IQGAP1: variants seen among roughly 807,000 people sequenced by gnomAD.
The protein encoded by IQGAP1 is IQ motif containing GTPase activating protein 1, also known as ras GTPase-activating-like protein IQGAP1.
A neutral mutation model predicts 215.6 loss-of-function variants in IQGAP1; 66 were observed. The ratio of observed to expected loss-of-function variants is 0.31; its 90% CI spans 0.25 to 0.38. IQGAP1 has a LOEUF of 0.38. Among genes scored for constraint, IQGAP1 ranks in the 10% least tolerant of loss-of-function variants. IQGAP1 has a pLI of 1.00. For synonymous variants in IQGAP1, 772 were observed against 728.7 expected (o/e 1.06, Z -0.96); for missense variants, 1,712 against 1,997.1 (o/e 0.86, Z 2.72).
chr15:90,412,618 G>A (rs1191306707), intron 2 of IQGAP1, among the ~76,000 whole-genome samples: 1 of 152,108 alleles, frequency 6.6e-6, no homozygotes, highest in Non-Finnish European at 1.5e-5. Flanking sequence ...GGAATACTCT[G>A]CATTCCTTTC....
chr15:90,388,251 A>C lies in IQGAP1; in HGVS notation c.-91A>C, dbSNP rs1567109290. On this transcript the variant is annotated 5_prime_UTR_variant, in exon 1 of 38. Coordinates refer to ENST00000268182, the MANE Select transcript of IQGAP1 (RefSeq NM_003870.4). ...GGGGCGGGGCCTCGGGGACCCCGGCAAGCCCGCGCACTTGGCAGGAGCTGT... is the reference window on the plus strand; with the variant it reads ...GGGGCGGGGCCTCGGGGACCCCGGCCAGCCCGCGCACTTGGCAGGAGCTGT... 7.6e-6 allele frequency: 11 copies of C among 1,446,008 alleles called. No individual in the cohort carries two copies. The highest frequency in any genetic ancestry group is 6.6e-6 in the Non-Finnish European group (7 of 1,060,000). 89.6% of individuals were successfully genotyped at this position (1,446,008 alleles called of 1,614,324 possible).
intron 2 of IQGAP1, among the ~76,000 whole-genome samples, chr15:90,400,863 C>A (rs150878264): frequency 5.1e-4 from 78 of 152,340 alleles, no homozygotes; most frequent in South Asian, 4.3e-3. Flanking sequence ...TTCTGCTTCA[C>A]AGTGTCACAT....
At chr15:90,457,531 A>C (rs529066170) in intron 15 of IQGAP1, among the ~76,000 whole-genome samples, 1 of 151,276 alleles carries the variant, frequency 6.6e-6, no homozygotes, top group African/African-American at 2.4e-5. Flanking sequence ...GGTTCAAGCA[A>C]TTCTCCTGCC....
intron 2 of IQGAP1, among the ~76,000 whole-genome samples, chr15:90,392,461 T>C (rs1190956051): frequency 1.3e-5 from 2 of 152,228 alleles, no homozygotes; most frequent in Non-Finnish European, 2.9e-5. Context: ...TCTTGTGCTC[T>C]GTGGAGCTTT....
At chr15:90,474,332 A>G (rs1965948586) in intron 22 of IQGAP1, 153 bp from the exon 23 acceptor site, 2 of 765,136 alleles carry the variant, frequency 2.6e-6, no homozygotes, top group Non-Finnish European at 4.3e-6. Flanking sequence ...TAACATAGCA[A>G]TAGCCTGACA....
At chr15:90,478,002 C>A (rs919325721) in intron 26 of IQGAP1, 113 bp downstream of exon 26, 6 of 740,778 alleles carry the variant, frequency 8.1e-6, no homozygotes, top group Non-Finnish European at 1.3e-5. Flanking sequence ...CTTTTCTTTT[C>A]TTTTTTTAGA....
intron 6 of IQGAP1, among the ~76,000 whole-genome samples, chr15:90,439,758 G>C (rs79642441): frequency 0.015 from 2,215 of 152,252 alleles, 44 homozygotes; most frequent in African/African-American, 0.05. Flanking sequence ...GCAAGCATCT[G>C]TTGTGGGCAA....
chr15:90,429,038 A>C (rs986947240), intron 3 of IQGAP1, among the ~76,000 whole-genome samples: 2 of 152,062 alleles, frequency 1.3e-5, no homozygotes, highest in African/African-American at 4.8e-5. Context: ...TTTTTAGTAG[A>C]GATGGGATTT....
At chr15:90,465,671 A>ATTTTTGTTTGTTTGTT (rs1555439882) in intron 15 of IQGAP1, among the ~76,000 whole-genome samples, 1 of 89,154 alleles carries the variant, frequency 1.1e-5, no homozygotes, top group Non-Finnish European at 2.4e-5. Flanking sequence ...TGGCCAAGCT[A>ATTTTTGTTTGTTTGTT]TGTTTGTTTG....
intron 9 of IQGAP1, among the ~76,000 whole-genome samples, chr15:90,444,231 T>C (rs914534047): frequency 6.8e-6 from 1 of 147,988 alleles, no homozygotes; most frequent in Non-Finnish European, 1.5e-5. Flanking sequence ...TTTTTTTGTA[T>C]GTCCTTCAAA....
intron 29 of IQGAP1, among the ~76,000 whole-genome samples, chr15:90,483,839 T>G (rs939318838): frequency 2.0e-5 from 3 of 152,190 alleles, no homozygotes. Context: ...GATTATGCAT[T>G]TAGTACATGT....
In IQGAP1 at chr15:90,449,575, C is replaced by T; in HGVS notation, c.1094C>T (p.Pro365Leu). The change falls in exon 11 of 38, where the codon CCC (proline) becomes CTC (leucine). Residue 365 changes from proline to leucine, a missense_variant. Physicochemically the swap from Pro to Leu is moderately conservative, Grantham distance 98. Coordinates refer to ENST00000268182, the MANE Select transcript of IQGAP1 (RefSeq NM_003870.4). ...TTTGCTCAGAGTGGTCAGACTGACC[C>T]CCTGCAGAAGGAGGAGCTGCAGTCT... ...QQKRQSGQTDPLQKEELQSGV... is the reference protein window; with the variant it reads ...QQKRQSGQTDLLQKEELQSGV... 2 of 1,612,654 alleles carry T rather than the reference C, an allele frequency of 1.2e-6. No homozygotes were observed. Among genetic ancestry groups the T allele is most frequent in the East Asian group, 2.2e-5 (1 of 44,798 alleles).
At chr15:90,449,458 G>C in intron 10 of IQGAP1, 101 bp from the exon 11 acceptor site, 1 of 935,452 alleles carries the variant, frequency 1.1e-6, no homozygotes. Flanking sequence ...TATGACTATG[G>C]CTCTCTCTGT....
chr15:90,488,224 A>T (rs1596292654), intron 33 of IQGAP1, among the ~76,000 whole-genome samples: 1 of 135,392 alleles, frequency 7.4e-6, no homozygotes, highest in African/African-American at 2.8e-5. Context: ...CCGTCTCAAA[A>T]AATAATAATA....
At chr15:90,482,673 T>C in intron 28 of IQGAP1, 1 of 844,238 alleles carries the variant, frequency 1.2e-6, no homozygotes, top group South Asian at 4.1e-5. Context: ...TTTTTTTTAA[T>C]CTGAATGCTT....
chr15:90,413,420 G>A (rs1226113217), intron 2 of IQGAP1, among the ~76,000 whole-genome samples: 1 of 152,230 alleles, frequency 6.6e-6, no homozygotes, highest in Non-Finnish European at 1.5e-5. Flanking sequence ...GAATGCCTCA[G>A]CAAGAGAGAA....
intron 4 of IQGAP1, among the ~76,000 whole-genome samples, chr15:90,430,969 G>A (rs1452609413): frequency 6.8e-6 from 1 of 146,338 alleles, no homozygotes; most frequent in Non-Finnish European, 1.5e-5. Context: ...AGAATATATT[G>A]TAATATAATT....
chr15:90,491,606 C>G, intron 34 of IQGAP1, 61 bp downstream of exon 34: 1 of 1,354,766 alleles, frequency 7.4e-7, no homozygotes, highest in Admixed American at 1.8e-5. Context: ...GCTCGAGAGA[C>G]AGTAGCTGTT....
intron 15 of IQGAP1, among the ~76,000 whole-genome samples, chr15:90,459,245 C>T (rs973888938): frequency 1.3e-5 from 2 of 152,040 alleles, no homozygotes; most frequent in Non-Finnish European, 2.9e-5. Context: ...ATTTGAGGGC[C>T]TACTACATAC....
Sources: allele counts gnomAD v4.1 joint callset (sites outside exome capture counted in the v4.1 genomes callset), GRCh38; gene constraint gnomAD v4.1.1; transcripts MANE v1.5; gene names NCBI Gene and HGNC (gene_info 2026-07-23, HGNC 2026-07-21).